UFD1: variants seen among roughly 807,000 people sequenced by gnomAD.
UFD1 encodes the protein ubiquitin recognition factor in ER associated degradation 1.
A neutral mutation model predicts 45.9 loss-of-function variants in UFD1; 13 were observed. The observed-to-expected ratio is 0.28, with a 90% CI of 0.18 to 0.45. UFD1 has a LOEUF of 0.45. UFD1 is among the 20% of genes least tolerant of loss of function. The probability of loss-of-function intolerance (pLI) is 1.00; values close to 1 mark genes in which losing one functional copy is unlikely to be tolerated. For synonymous variants in UFD1, 128 were observed against 139.2 expected (o/e 0.92, Z 0.56); for missense variants, 218 against 389.2 (o/e 0.56, Z 3.70).
At chr22:19,472,196 A>C (rs1340366339) in intron 3 of UFD1, among the ~76,000 whole-genome samples, 1 of 152,158 alleles carries the variant, frequency 6.6e-6, no homozygotes, top group Non-Finnish European at 1.5e-5. Flanking sequence ...AGCTGGCAGG[A>C]GGGGGCAGAG....
intron 11 of UFD1, chr22:19,451,134 A>AG (rs1340379851): frequency 3.0e-6 from 3 of 990,666 alleles, no homozygotes; most frequent in Non-Finnish European, 3.6e-6. Context: ...AAAAAAAAAA[A>AG]AAAAAAAAGT....
intron 1 of UFD1, among the ~76,000 whole-genome samples, chr22:19,477,619 A>T (rs1001318593): frequency 6.6e-6 from 1 of 152,208 alleles, no homozygotes; most frequent in African/African-American, 2.4e-5. Flanking sequence ...GTTGCTCGTG[A>T]ATGTACTCAA....
At chr22:19,458,507 G>A (rs888097966) in intron 6 of UFD1, among the ~76,000 whole-genome samples, 1 of 152,124 alleles carries the variant, frequency 6.6e-6, no homozygotes, top group Non-Finnish European at 1.5e-5. Context: ...GCAGTGGTGC[G>A]ATCTTGGCTC....
intron 4 of UFD1, among the ~76,000 whole-genome samples, chr22:19,468,411 C>T (rs1460314719): frequency 6.6e-6 from 1 of 152,172 alleles, no homozygotes; most frequent in Non-Finnish European, 1.5e-5. Flanking sequence ...CAAGGCTGAC[C>T]TGGCAATGGA....
intron 5 of UFD1, 69 bp from the exon 6 acceptor site, chr22:19,465,343 A>C: frequency 3.0e-6 from 4 of 1,355,868 alleles, no homozygotes; most frequent in Non-Finnish European, 4.2e-6. Flanking sequence ...TTTCCATGTT[A>C]GATGATTACT....
chr22:19,452,121 G>A (rs1365707963), intron 11 of UFD1: 2 of 196,384 alleles, frequency 1.0e-5, no homozygotes, highest in African/African-American at 4.7e-5. Flanking sequence ...GCCAAAGATA[G>A]GGTGGCTCAA....
intron 5 of UFD1, 36 bp from the exon 6 acceptor site, chr22:19,465,310 T>G: frequency 6.3e-7 from 1 of 1,576,192 alleles, no homozygotes; most frequent in South Asian, 1.1e-5. Context: ...CATGGCAAGA[T>G]GGATACCTTA....
rs2089724578 is a variant in UFD1, at chr22:19,456,586, C to T, written c.678+1G>A. On this transcript the variant is annotated splice_donor_variant, in intron 9 of 11. Transcript: ENST00000263202. LOFTEE classifies it high-confidence loss of function. Reference sequence around the variant, plus strand: ...TATAAGTCAAGTGGTCTGGTACTCACGCGGAAGCCCAGCTCTCCAGCATAG... The same window carrying T: ...TATAAGTCAAGTGGTCTGGTACTCATGCGGAAGCCCAGCTCTCCAGCATAG... The T allele has an allele frequency of 6.2e-7, 1 of 1,614,148 alleles. No homozygotes were observed. The highest frequency in any genetic ancestry group is 8.5e-7 in the Non-Finnish European group (1 of 1,180,042).
intron 1 of UFD1, among the ~76,000 whole-genome samples, chr22:19,476,645 T>C (rs1177337897): frequency 7.0e-6 from 1 of 143,712 alleles, no homozygotes; most frequent in Non-Finnish European, 1.5e-5. Flanking sequence ...CAGATAATAC[T>C]GAAATCTATA....
intron 6 of UFD1, among the ~76,000 whole-genome samples, chr22:19,461,319 T>C (rs1365828090): frequency 6.6e-6 from 1 of 152,224 alleles, no homozygotes; most frequent in Admixed American, 6.5e-5. Flanking sequence ...ATCTTAGGAA[T>C]AGTCAATATC....
intron 11 of UFD1, chr22:19,452,584 G>T (rs1397264990): frequency 6.6e-6 from 1 of 152,378 alleles, no homozygotes; most frequent in African/African-American, 2.4e-5. Flanking sequence ...GAGTGCAGTG[G>T]TGTGATCTCA....
chr22:19,478,753 TG>T, intron 1 of UFD1: 1 of 415,030 alleles, frequency 2.4e-6, no homozygotes. Flanking sequence ...CCAGCAACCT[TG>T]CAACTAACTT....
chr22:19,479,135 A>G lies in UFD1; in HGVS notation c.-50T>C. On this transcript the variant is annotated 5_prime_UTR_variant, in exon 1 of 12. Transcript: ENST00000263202. ...GCTCCTCTCAGGCAATGCAACGAAGAAACCCCGCCGACCGCTCTCCCAGCC... is the reference window on the plus strand; with the variant it reads ...GCTCCTCTCAGGCAATGCAACGAAGGAACCCCGCCGACCGCTCTCCCAGCC... 1 of 1,604,616 alleles carries G rather than the reference A, an allele frequency of 6.2e-7. No individual in the cohort carries two copies. Among genetic ancestry groups the G allele is most frequent in the South Asian group, 1.1e-5 (1 of 89,944 alleles).
At chr22:19,472,993 G>A (rs2089856746) in intron 3 of UFD1, among the ~76,000 whole-genome samples, 3 of 152,324 alleles carry the variant, frequency 2.0e-5, no homozygotes, top group Admixed American at 2.0e-4. Context: ...AGCAAATCAA[G>A]TTAAAAGCTT....
Position 19,450,347 on chromosome 22 carries a change from G to A in UFD1, c.*323C>T, listed in dbSNP as rs1464404686. The A allele has an allele frequency of 7.2e-6, 2 of 276,984 alleles. No individual in the cohort carries two copies. Among genetic ancestry groups the A allele is most frequent in the East Asian group, 7.0e-5 (1 of 14,268 alleles). 17.2% of individuals were successfully genotyped at this position (276,984 alleles called of 1,614,324 possible). A position where few individuals can be genotyped will look rare whatever the true frequency, so the allele number is the denominator to read the frequency against. ...TTAGACAATTTAGTCACCTTCATAGGTTTTGACAGAATTAGGGATGCAGAA... is the reference window on the plus strand; with the variant it reads ...TTAGACAATTTAGTCACCTTCATAGATTTTGACAGAATTAGGGATGCAGAA... On this transcript the variant is annotated 3_prime_UTR_variant, in exon 12 of 12. Transcript: ENST00000263202.
chr22:19,471,955 G>A, intron 3 of UFD1, 147 bp from the exon 4 acceptor site: 2 of 1,149,012 alleles, frequency 1.7e-6, no homozygotes, highest in Non-Finnish European at 2.4e-6. Context: ...TGAGAGCACA[G>A]TGCACGGCTC....
In UFD1 at chr22:19,479,068, C is replaced by T. The variant is rs747885196; in HGVS notation, c.3+15G>A. On this transcript the variant is annotated intron_variant, in intron 1 of 11. Coordinates refer to ENST00000263202, the MANE Select transcript of UFD1 (RefSeq NM_005659.7). Reference sequence around the variant, plus strand: ...GCCAAGGCCCAGCCCCCGCCCGCTGCCCGTCAGCGCTTACCATGATGGACA... The same window carrying T: ...GCCAAGGCCCAGCCCCCGCCCGCTGTCCGTCAGCGCTTACCATGATGGACA... 6 of 1,610,722 alleles carry T rather than the reference C, an allele frequency of 3.7e-6. No homozygotes were observed. In the East Asian group the frequency reaches 8.9e-5, roughly 24 times the overall value.
chr22:19,456,654 A>C lies in UFD1; in HGVS notation c.631-20T>G. 6.2e-7 allele frequency: 1 copy of C among 1,614,118 alleles called. No individual in the cohort carries two copies. Among genetic ancestry groups the C allele is most frequent in the Non-Finnish European group, 8.5e-7 (1 of 1,180,026 alleles). ...ACCTTCCTGACAGGGAAAAAGAAAA[A>C]CAGGTGAGCTCCTCAGCGGGGACAC... is the stretch of plus-strand genomic sequence containing the variant. On this transcript the variant is annotated intron_variant, in intron 8 of 11. Transcript: ENST00000263202.
chr22:19,456,160 AT>A (rs1394652156), intron 9 of UFD1, among the ~76,000 whole-genome samples: 4 of 152,182 alleles, frequency 2.6e-5, no homozygotes, highest in Non-Finnish European at 5.9e-5. Context: ...GTGCCCACAC[AT>A]GAACCACCTC....
Sources: gnomAD v4.1 joint callset for allele counts (sites outside exome capture counted in the v4.1 genomes callset) on GRCh38, gnomAD v4.1.1 for gene constraint, MANE v1.5 for transcripts, NCBI Gene and HGNC (gene_info 2026-07-23, HGNC 2026-07-21) for gene names.